The following CFDP1 variants were observed in gnomAD, a reference collection of about 807,000 sequenced individuals.
CFDP1 encodes chromatin remodeling protein CFDP1, also known as heterochromatin-stabilizing protein CFDP1.
A neutral mutation model predicts 40.1 loss-of-function variants in CFDP1; 31 were observed. The observed-to-expected ratio is 0.77, with a 90% CI of 0.58 to 1.04. The LOEUF (loss-of-function observed/expected upper bound fraction) is 1.04. CFDP1 is among the 50% of genes least tolerant of loss of function. The pLI is 0.00. For missense variants in CFDP1, 423 were observed against 343.4 expected, an observed-to-expected ratio of 1.23 and a Z score of -1.83; for synonymous variants, 167 against 120.0, an observed-to-expected ratio of 1.39 and a Z score of -2.56.
At chr16:75,304,024 G>A (rs1335509512) in intron 6 of CFDP1, among the ~76,000 whole-genome samples, 1 of 151,782 alleles carries the variant, frequency 6.6e-6, no homozygotes, top group Admixed American at 6.6e-5. Context: ...AGGTCCGTAA[G>A]TACTTATGAA....
chr16:75,407,906 G>A (rs551172209), intron 4 of CFDP1, among the ~76,000 whole-genome samples: 68 of 151,978 alleles, frequency 4.5e-4, no homozygotes, highest in Non-Finnish European at 7.8e-4. Flanking sequence ...CCAGAAGTTC[G>A]AGACCAGCCT....
chr16:75,309,664 CA>C (rs1377857514), intron 5 of CFDP1, among the ~76,000 whole-genome samples: 1 of 151,744 alleles, frequency 6.6e-6, no homozygotes, highest in Non-Finnish European at 1.5e-5. Flanking sequence ...ACTAAAAATA[CA>C]AAAAATTAGC....
At chr16:75,363,850 T>C (rs2078695687) in intron 5 of CFDP1, among the ~76,000 whole-genome samples, 1 of 152,062 alleles carries the variant, frequency 6.6e-6, no homozygotes, top group Non-Finnish European at 1.5e-5. Context: ...CAAACTATTA[T>C]GAACCAAGTA....
chr16:75,334,366 C>T (rs563626128), intron 5 of CFDP1, among the ~76,000 whole-genome samples: 18 of 151,322 alleles, frequency 1.2e-4, no homozygotes, highest in South Asian at 8.5e-4. Flanking sequence ...TAAAACTGTA[C>T]GGCAGTCCCA....
intron 5 of CFDP1, among the ~76,000 whole-genome samples, chr16:75,387,750 C>G (rs2078911739): frequency 6.6e-6 from 1 of 152,208 alleles, no homozygotes; most frequent in African/African-American, 2.4e-5. Flanking sequence ...CATTATTCCC[C>G]ACATCACATC....
At chr16:75,346,715 C>A (rs1307933267) in intron 5 of CFDP1, among the ~76,000 whole-genome samples, 3 of 84,656 alleles carry the variant, frequency 3.5e-5, no homozygotes, top group Non-Finnish European at 7.2e-5. Flanking sequence ...CTAAAATCTT[C>A]CACTCAAAAA....
chr16:75,357,695 T>C (rs1394591966), intron 5 of CFDP1, among the ~76,000 whole-genome samples: 3 of 152,232 alleles, frequency 2.0e-5, no homozygotes, highest in Non-Finnish European at 4.4e-5. Context: ...CTTAAGGGAA[T>C]GTTGTGTGGT....
chr16:75,304,793 C>T (rs768254981), intron 6 of CFDP1, among the ~76,000 whole-genome samples: 10 of 152,184 alleles, frequency 6.6e-5, no homozygotes, highest in Non-Finnish European at 1.2e-4. Flanking sequence ...GTGACTGGCC[C>T]CTGAGAGTAC....
At chr16:75,363,884 A>G (rs147867480) in intron 5 of CFDP1, among the ~76,000 whole-genome samples, 1 of 151,974 alleles carries the variant, frequency 6.6e-6, no homozygotes, top group Non-Finnish European at 1.5e-5. Context: ...AGCGAGCAAA[A>G]CAGATTTGAT....
At chr16:75,352,007 CAAAAAAAAAAAAA>C (rs3975153) in intron 5 of CFDP1, among the ~76,000 whole-genome samples, 1 of 86,786 alleles carries the variant, frequency 1.2e-5, no homozygotes, top group Non-Finnish European at 2.1e-5. Flanking sequence ...GACTCTGTCT[CAAAAAAAAAAAAA>C]AAAAAAAAAA....
At chr16:75,412,807 T>C in intron 2 of CFDP1, 53 bp from the exon 3 acceptor site, 1 of 1,411,426 alleles carries the variant, frequency 7.1e-7, no homozygotes, top group East Asian at 2.3e-5. Context: ...ACGATTTCAG[T>C]TATCCCTCTC....
At chr16:75,384,580 C>G (rs999666819) in intron 5 of CFDP1, among the ~76,000 whole-genome samples, 2 of 152,006 alleles carry the variant, frequency 1.3e-5, no homozygotes, top group African/African-American at 4.8e-5. Context: ...CCCAATGACC[C>G]AGCAATCCCA....
intron 5 of CFDP1, among the ~76,000 whole-genome samples, chr16:75,390,149 T>C (rs2078934988): frequency 6.6e-6 from 1 of 152,196 alleles, no homozygotes; most frequent in Non-Finnish European, 1.5e-5. Flanking sequence ...TACTGAAAAA[T>C]ATTTCACTTG....
chr16:75,422,535 C>T (rs1246961037), intron 1 of CFDP1, among the ~76,000 whole-genome samples: 1 of 151,478 alleles, frequency 6.6e-6, no homozygotes, highest in African/African-American at 2.4e-5. Flanking sequence ...CCTGAGACTA[C>T]AGGTATGCAC....
chr16:75,293,921 G>C lies in CFDP1; in HGVS notation c.*31C>G. The C allele has an allele frequency of 6.4e-7, 1 of 1,560,992 alleles. No homozygotes were observed. Among genetic ancestry groups the C allele is most frequent in the African/African-American group, 1.4e-5 (1 of 73,974 alleles). ...CACAAAAAGCTCACATTGTAAACAG[G>C]ATTAAGCTGCTCTTGATTTAGCCCG... On this transcript the variant is annotated 3_prime_UTR_variant, in exon 7 of 7. Transcript: ENST00000283882.
chr16:75,304,654 A>T (rs2078245499), intron 6 of CFDP1, among the ~76,000 whole-genome samples: 2 of 152,150 alleles, frequency 1.3e-5, no homozygotes, highest in South Asian at 4.1e-4. Context: ...GACGGATCTG[A>T]ACTAGTTTGG....
At position 75,318,376 on chromosome 16, in the gene CFDP1, T is replaced by C. The variant is rs375845518; in HGVS notation, c.651-13194A>G. On this transcript the variant is annotated intron_variant, in intron 5 of 6. Transcript: ENST00000283882. ...CAGTGGTGTGTTGTTTGGCTGACTGTTGATTAGGGAGTTGGCATGCTTTCT... is the reference window on the plus strand; with the variant it reads ...CAGTGGTGTGTTGTTTGGCTGACTGCTGATTAGGGAGTTGGCATGCTTTCT... 2.6e-3 allele frequency among the ~76,000 whole-genome samples: 389 copies of C among 151,902 alleles called. 18 individuals carry two copies. In the South Asian group the frequency reaches 0.078, roughly 31 times the overall value.
intron 1 of CFDP1, among the ~76,000 whole-genome samples, chr16:75,417,174 CAA>C (rs1344523692): frequency 6.6e-6 from 1 of 152,006 alleles, no homozygotes; most frequent in African/African-American, 2.4e-5. Flanking sequence ...GTCTCAAAAA[CAA>C]AAACAAAAAC....
intron 1 of CFDP1, among the ~76,000 whole-genome samples, chr16:75,430,988 C>T (rs143750909): frequency 9.7e-4 from 147 of 152,124 alleles, no homozygotes; most frequent in Admixed American, 2.1e-3. Flanking sequence ...TGGTTGGGGG[C>T]GCCTTAGAAT....
Sources: allele counts gnomAD v4.1 joint callset (sites outside exome capture counted in the v4.1 genomes callset), GRCh38; gene constraint gnomAD v4.1.1; transcripts MANE v1.5; gene names NCBI Gene and HGNC (gene_info 2026-07-23, HGNC 2026-07-21).